CPQ: variants seen among roughly 807,000 people sequenced by gnomAD.
CPQ encodes the protein carboxypeptidase Q, also known as Ser-Met dipeptidase.
In CPQ, 37 loss-of-function variants were observed where a neutral mutation model predicts 45.7. That is an observed-to-expected ratio of 0.81 (90% CI 0.62 to 1.07). CPQ has a LOEUF of 1.07. Ranked by LOEUF, CPQ falls within the 50% of genes least tolerant of loss-of-function variation. The probability of loss-of-function intolerance (pLI) is 0.00; values close to 1 mark genes in which losing one functional copy is unlikely to be tolerated. For missense variants in CPQ, 537 were observed against 572.9 expected (o/e 0.94, Z 0.64); for synonymous variants, 186 against 205.8 (o/e 0.90, Z 0.82).
At chr8:96,659,879 C>T (rs144676705) in intron 1 of CPQ, among the ~76,000 whole-genome samples, 133 of 152,316 alleles carry the variant, frequency 8.7e-4, no homozygotes, top group African/African-American at 3.2e-3. Flanking sequence ...ACTCTTGACT[C>T]GGCCATGCAG....
chr8:97,066,023 C>G lies in CPQ; in HGVS notation c.1068C>G (p.Asn356Lys). 1 of 1,610,134 alleles carries G rather than the reference C, an allele frequency of 6.2e-7. No individual in the cohort carries two copies. The highest frequency in any genetic ancestry group is 8.5e-7 in the Non-Finnish European group (1 of 1,179,156). ...CTTGTGTTTAGGTAAATATTTCCAA[C>G]TACAGTCTGGTGATGGAGTCTGACG... Reference protein sequence around the residue: ...YYQLHKVNISNYSLVMESDAG... With the variant: ...YYQLHKVNISKYSLVMESDAG... Residue 356 changes from asparagine (N) to lysine (K), a missense_variant, in exon 7 of 8, where the codon AAC becomes AAG. Asn to Lys is a moderately conservative substitution (Grantham distance 94). Transcript: ENST00000220763.
chr8:96,964,502 T>C (rs1364027966), intron 4 of CPQ, among the ~76,000 whole-genome samples: 1 of 152,176 alleles, frequency 6.6e-6, no homozygotes, highest in Non-Finnish European at 1.5e-5. Context: ...ATATCTTTCT[T>C]TGTGAATTGT....
At chr8:96,879,652 C>G (rs1812193071) in intron 3 of CPQ, 146 bp from the exon 4 acceptor site, 1 of 600,914 alleles carries the variant, frequency 1.7e-6, no homozygotes, top group Non-Finnish European at 3.0e-6. Flanking sequence ...ACATCAAAAG[C>G]AAGTAAATCA....
chr8:97,131,262 G>A (rs994457732), intron 7 of CPQ, among the ~76,000 whole-genome samples: 1 of 152,028 alleles, frequency 6.6e-6, no homozygotes, highest in African/African-American at 2.4e-5. Flanking sequence ...CACTTATTTT[G>A]GATAAATCCA....
chr8:96,911,897 G>C (rs1467891035), intron 4 of CPQ, among the ~76,000 whole-genome samples: 1 of 152,190 alleles, frequency 6.6e-6, no homozygotes. Flanking sequence ...AAGGGCACAG[G>C]CTGTAGTATC....
chr8:97,098,184 T>C (rs764955319), intron 7 of CPQ, among the ~76,000 whole-genome samples: 8 of 152,192 alleles, frequency 5.3e-5, no homozygotes, highest in Non-Finnish European at 8.8e-5. Context: ...CTCTTTTTCC[T>C]GGATCATGGC....
At chr8:96,954,035 C>T (rs1015591603) in intron 4 of CPQ, among the ~76,000 whole-genome samples, 13 of 152,044 alleles carry the variant, frequency 8.6e-5, no homozygotes, top group Admixed American at 2.0e-4. Context: ...TATCAAGGGC[C>T]GAGTTAAGTT....
At chr8:97,134,131 T>C (rs1374661706) in intron 7 of CPQ, among the ~76,000 whole-genome samples, 3 of 152,200 alleles carry the variant, frequency 2.0e-5, no homozygotes, top group Non-Finnish European at 4.4e-5. Flanking sequence ...AATCTTTATT[T>C]CTGCTTTTGT....
chr8:97,034,893 T>A (rs985935009), intron 6 of CPQ, among the ~76,000 whole-genome samples: 70 of 146,326 alleles, frequency 4.8e-4, no homozygotes, highest in African/African-American at 1.8e-3. Flanking sequence ...CCCTTTCTAT[T>A]TTTTTTTTTT....
At chr8:96,838,342 C>A (rs910446635) in intron 3 of CPQ, among the ~76,000 whole-genome samples, 8 of 152,094 alleles carry the variant, frequency 5.3e-5, no homozygotes, top group African/African-American at 1.9e-4. Flanking sequence ...TCCTTTCCAT[C>A]TGTGGCTCTA....
intron 3 of CPQ, among the ~76,000 whole-genome samples, chr8:96,854,164 A>G (rs1372206137): frequency 6.6e-6 from 1 of 152,208 alleles, no homozygotes; most frequent in African/African-American, 2.4e-5. Context: ...CTGGGTTGCC[A>G]CATCCTATGG....
intron 5 of CPQ, among the ~76,000 whole-genome samples, chr8:97,005,141 G>A (rs549853115): frequency 6.6e-6 from 1 of 151,800 alleles, no homozygotes; most frequent in South Asian, 2.1e-4. Flanking sequence ...GAGTGTGGTG[G>A]TGTGATCTCG....
chr8:97,053,820 A>G (rs528038480), intron 6 of CPQ, among the ~76,000 whole-genome samples: 9 of 152,212 alleles, frequency 5.9e-5, no homozygotes, highest in Non-Finnish European at 1.0e-4. Context: ...GCAAGACAAG[A>G]GTGTAGTTTG....
intron 2 of CPQ, among the ~76,000 whole-genome samples, chr8:96,808,814 T>C (rs1351715214): frequency 6.6e-6 from 1 of 152,160 alleles, no homozygotes; most frequent in East Asian, 1.9e-4. Flanking sequence ...GTCAATAGTA[T>C]CTACTTTCAG....
intron 5 of CPQ, among the ~76,000 whole-genome samples, chr8:96,974,485 A>G (rs1240603335): frequency 6.6e-6 from 1 of 152,132 alleles, no homozygotes; most frequent in Non-Finnish European, 1.5e-5. Context: ...TCAACAAAGA[A>G]AAACTCTACC....
At chr8:96,888,718 A>G (rs1368692448) in intron 4 of CPQ, among the ~76,000 whole-genome samples, 2 of 152,216 alleles carry the variant, frequency 1.3e-5, no homozygotes, top group Non-Finnish European at 2.9e-5. Context: ...GCTTTGCAGT[A>G]TTCTGCAAAT....
At chr8:97,120,958 A>G (rs1811691333) in intron 7 of CPQ, among the ~76,000 whole-genome samples, 1 of 152,252 alleles carries the variant, frequency 6.6e-6, no homozygotes, top group African/African-American at 2.4e-5. Context: ...ATTGAAGCTA[A>G]AACCTAAAAG....
At chr8:96,943,423 T>TTGATAAC (rs758996750) in intron 4 of CPQ, among the ~76,000 whole-genome samples, 1 of 152,178 alleles carries the variant, frequency 6.6e-6, no homozygotes, top group Non-Finnish European at 1.5e-5. Context: ...ATACAAATCA[T>TTGATAAC]TGATAACTGA....
At chr8:96,991,912 T>C (rs1809100278) in intron 5 of CPQ, among the ~76,000 whole-genome samples, 1 of 152,184 alleles carries the variant, frequency 6.6e-6, no homozygotes, top group Non-Finnish European at 1.5e-5. Context: ...AAAAGACCCA[T>C]AGTGGATCAG....
Sources: allele counts gnomAD v4.1 joint callset (sites outside exome capture counted in the v4.1 genomes callset), GRCh38; gene constraint gnomAD v4.1.1; transcripts MANE v1.5; gene names NCBI Gene and HGNC (gene_info 2026-07-23, HGNC 2026-07-21).